Variants in DIP2C observed in about 807,000 individuals in gnomAD.
The protein encoded by DIP2C is disco-interacting protein 2 homolog C.
DIP2C carries 33 observed loss-of-function variants against 192.4 expected under a neutral mutation model. That is an observed-to-expected ratio of 0.17 (90% CI 0.13 to 0.23). DIP2C has a LOEUF of 0.23. Among genes scored for constraint, DIP2C ranks in the 10% least tolerant of loss-of-function variants. The pLI is 1.00. For missense variants in DIP2C, 1,537 were observed against 2,110.1 expected (o/e 0.73, Z 5.32); for synonymous variants, 979 against 864.1 (o/e 1.13, Z -2.33).
intron 4 of DIP2C, among the ~76,000 whole-genome samples, chr10:424,963 T>A (rs1966479355): frequency 6.8e-6 from 1 of 147,318 alleles, no homozygotes; most frequent in South Asian, 2.1e-4. Flanking sequence ...TGATACAGCA[T>A]GACCAGCAGT....
At chr10:406,339 C>A (rs1964805432) in intron 9 of DIP2C, among the ~76,000 whole-genome samples, 1 of 152,200 alleles carries the variant, frequency 6.6e-6, no homozygotes, top group Non-Finnish European at 1.5e-5. Context: ...ATCTCTAGAA[C>A]TTTCTCATCT....
chr10:328,803 G>T (rs1957377266), intron 30 of DIP2C, among the ~76,000 whole-genome samples: 1 of 152,208 alleles, frequency 6.6e-6, no homozygotes, highest in Non-Finnish European at 1.5e-5. Context: ...TACAAAGTCA[G>T]TTGAAATTTT....
At chr10:575,074 G>A (rs546245199) in intron 1 of DIP2C, among the ~76,000 whole-genome samples, 2 of 152,164 alleles carry the variant, frequency 1.3e-5, no homozygotes, top group South Asian at 2.1e-4. Flanking sequence ...TTGGCTTCAA[G>A]GAAAATAGAC....
rs947465821 is a variant in DIP2C at position 276,450 on chromosome 10, T to C, written c.*875A>G. ...AATCTCCTTTGTTCATTAGTGAATT[T>C]ATATTTCATATATATATATTTGTTG... On this transcript the variant is annotated 3_prime_UTR_variant, in exon 37 of 37. Coordinates refer to ENST00000280886, the MANE Select transcript of DIP2C (RefSeq NM_014974.3). The C allele has an allele frequency of 6.6e-6, 1 of 152,664 alleles. No homozygotes were observed. The highest frequency in any genetic ancestry group is 1.5e-5 in the Non-Finnish European group (1 of 68,046). 9.5% of individuals were successfully genotyped at this position (152,664 alleles called of 1,614,324 possible). A position where few individuals can be genotyped will look rare whatever the true frequency, so the allele number is the denominator to read the frequency against.
chr10:506,014 A>G (rs920085572), intron 1 of DIP2C, among the ~76,000 whole-genome samples: 1 of 152,012 alleles, frequency 6.6e-6, no homozygotes, highest in African/African-American at 2.4e-5. Flanking sequence ...AGGTGACAAA[A>G]GGAGGTTGTG....
intron 1 of DIP2C, among the ~76,000 whole-genome samples, chr10:497,682 C>G (rs117362082): frequency 2.0e-5 from 3 of 152,192 alleles, no homozygotes; most frequent in Non-Finnish European, 2.9e-5. Context: ...CTCTGACACA[C>G]GTAAGACCAT....
chr10:345,617 A>G (rs1958417334), intron 26 of DIP2C, among the ~76,000 whole-genome samples: 1 of 125,330 alleles, frequency 8.0e-6, no homozygotes, highest in African/African-American at 3.3e-5. Flanking sequence ...ACACTCACCC[A>G]ACCCAGACAC....
chr10:670,229 CATGCACACGCAT>C (rs768424105), intron 1 of DIP2C, among the ~76,000 whole-genome samples: 1 of 142,312 alleles, frequency 7.0e-6, no homozygotes, highest in Non-Finnish European at 1.5e-5. Context: ...CACACGCATG[CATGCACACGCAT>C]ATGCACACAC....
intron 1 of DIP2C, among the ~76,000 whole-genome samples, chr10:584,000 G>A (rs987162890): frequency 1.3e-5 from 2 of 152,130 alleles, no homozygotes; most frequent in Non-Finnish European, 2.9e-5. Context: ...GGGTGGGTCC[G>A]TCTTTGTGAC....
At chr10:648,142 T>C (rs1855590575) in intron 1 of DIP2C, among the ~76,000 whole-genome samples, 1 of 145,684 alleles carries the variant, frequency 6.9e-6, no homozygotes, top group Admixed American at 6.9e-5. Context: ...AGAAGGAAAC[T>C]GAGTCCACGT....
chr10:381,958 T>G (rs1365565252), intron 17 of DIP2C, among the ~76,000 whole-genome samples: 1 of 152,156 alleles, frequency 6.6e-6, no homozygotes, highest in Non-Finnish European at 1.5e-5. Flanking sequence ...GAGCCTGTTC[T>G]CCTACAACAG....
At chr10:434,845 T>A (rs1283489528) in intron 4 of DIP2C, among the ~76,000 whole-genome samples, 1 of 152,234 alleles carries the variant, frequency 6.6e-6, no homozygotes, top group Non-Finnish European at 1.5e-5. Context: ...AGAATTCTTA[T>A]CTTTGATCCT....
chr10:374,874 CTAA>C (rs1961385104), intron 17 of DIP2C, among the ~76,000 whole-genome samples: 1 of 152,134 alleles, frequency 6.6e-6, no homozygotes, highest in Non-Finnish European at 1.5e-5. Context: ...TAAAAAATGG[CTAA>C]TAAAGGTATC....
chr10:414,253 T>G (rs1237235191), intron 7 of DIP2C, 143 bp from the exon 8 acceptor site: 1 of 1,057,956 alleles, frequency 9.5e-7, no homozygotes, highest in Non-Finnish European at 1.3e-6. Flanking sequence ...TTTCTAGAAT[T>G]GGGGTCTATA....
At chr10:567,404 C>T (rs918927414) in intron 1 of DIP2C, among the ~76,000 whole-genome samples, 1 of 152,104 alleles carries the variant, frequency 6.6e-6, no homozygotes, top group Non-Finnish European at 1.5e-5. Flanking sequence ...GTTGGTCAGG[C>T]TGGTCTCGAA....
intron 1 of DIP2C, among the ~76,000 whole-genome samples, chr10:520,117 G>T (rs1302174808): frequency 2.0e-5 from 3 of 152,246 alleles, no homozygotes; most frequent in African/African-American, 4.8e-5. Flanking sequence ...AACAGGTCAT[G>T]CAAGGAAGTT....
At chr10:663,824 C>T (rs1490992377) in intron 1 of DIP2C, 2 of 152,102 alleles carry the variant, frequency 1.3e-5, no homozygotes, top group South Asian at 4.1e-4. Context: ...GGCGATTCTA[C>T]TGGGAGGAGG....
intron 17 of DIP2C, among the ~76,000 whole-genome samples, chr10:378,125 C>T (rs1961851258): frequency 6.6e-6 from 1 of 152,166 alleles, no homozygotes; most frequent in South Asian, 2.1e-4. Context: ...TTAGGCACCA[C>T]AAGCCCCTAT....
chr10:329,156 A>C (rs530078935), intron 30 of DIP2C, among the ~76,000 whole-genome samples: 2 of 152,328 alleles, frequency 1.3e-5, no homozygotes, highest in Non-Finnish European at 2.9e-5. Context: ...TCCACCCAAC[A>C]AAAAATCAAA....
Sources: allele counts gnomAD v4.1 joint callset (sites outside exome capture counted in the v4.1 genomes callset), GRCh38; gene constraint gnomAD v4.1.1; transcripts MANE v1.5; gene names NCBI Gene and HGNC (gene_info 2026-07-23, HGNC 2026-07-21).